The following P2RX7 variants were observed in gnomAD, a reference collection of about 807,000 sequenced individuals.
P2RX7 encodes P2X purinoceptor 7.
In P2RX7, 62 loss-of-function variants were observed where a neutral mutation model predicts 71.6. That is an observed-to-expected ratio of 0.87 (90% CI 0.71 to 1.07). P2RX7 has a LOEUF of 1.07. P2RX7 is among the 50% of genes least tolerant of loss of function. The pLI is 0.00. For missense variants in P2RX7, 686 were observed against 748.5 expected (o/e 0.92, Z 0.97); for synonymous variants, 299 against 283.3 (o/e 1.06, Z -0.56).
rs776589396 is a variant in P2RX7, at chr12:121,132,927, G to T, written c.-44G>T. 10 of 1,610,960 alleles carry T rather than the reference G, an allele frequency of 6.2e-6. No individual in the cohort carries two copies. The highest frequency in any genetic ancestry group is 2.7e-5 in the African/African-American group (2 of 74,928). On this transcript the variant is annotated 5_prime_UTR_variant, in exon 1 of 13. Transcript: ENST00000328963. ...GCTTGCTGTGGCCCTGTCAGGAAGA[G>T]TAGAGCTCTGGTCCAGCTCCGCGCA...
chr12:121,162,747 A>G (rs1056776810), intron 5 of P2RX7, among the ~76,000 whole-genome samples: 8 of 152,092 alleles, frequency 5.3e-5, no homozygotes, highest in African/African-American at 1.9e-4. Flanking sequence ...ACTGGTAAAT[A>G]GCTACTACCC....
At chr12:121,157,699 G>A (rs1878870244) in intron 3 of P2RX7, among the ~76,000 whole-genome samples, 1 of 152,176 alleles carries the variant, frequency 6.6e-6, no homozygotes, top group Admixed American at 6.5e-5. Context: ...TTAAGAGCCT[G>A]GGCTCAGAAG....
chr12:121,183,711 C>A (rs978256975), intron 12 of P2RX7, among the ~76,000 whole-genome samples: 10 of 151,932 alleles, frequency 6.6e-5, no homozygotes, highest in African/African-American at 2.4e-4. Flanking sequence ...ATAGGGTGGT[C>A]AGGACAAGAG....
In P2RX7 at chr12:121,180,355, C is replaced by T; in HGVS notation, c.1190C>T (p.Thr397Ile). ...AACTTTCAAACCATCTTTTCCTAGA[C>T]ATTAAAGTATGTGTCCTTTGTGGAT... The part of the protein sequence containing the change: ...KCESIVEPKP[T>I]LKYVSFVDES... The change falls in exon 12 of 13, where the codon ACA becomes ATA. Residue 397 changes from threonine (T) to isoleucine (I), a missense_variant and splice_region_variant. Thr to Ile is a moderately conservative substitution (Grantham distance 89). Coordinates refer to ENST00000328963, the MANE Select transcript of P2RX7 (RefSeq NM_002562.6). The T allele has an allele frequency of 6.4e-7, 1 of 1,550,748 alleles. No individual in the cohort carries two copies. The highest frequency in any genetic ancestry group is 8.8e-7 in the Non-Finnish European group (1 of 1,138,352).
rs796570280 is a variant in P2RX7, at chr12:121,175,318, A to AAACAAAAC, written c.882-68_882-67insCAAAACAA. The AAACAAAAC allele has an allele frequency of 1.2e-5, 11 of 936,758 alleles. No individual in the cohort carries two copies. In the African/African-American group the frequency reaches 1.7e-4, roughly 14 times the overall value. The allele number at this position is 936,758 out of a possible 1,614,324, so 58.0% of individuals were successfully genotyped here. On this transcript the variant is annotated intron_variant, in intron 8 of 12. Coordinates refer to ENST00000328963, the MANE Select transcript of P2RX7 (RefSeq NM_002562.6). ...AGCGTGAGACCCTGTCTCAAAAAAA[A>AAACAAAAC]AAAAAAAAAAACCCAAAACCCAGCA...
intron 8 of P2RX7, among the ~76,000 whole-genome samples, chr12:121,171,447 C>G (rs1455505555): frequency 6.6e-6 from 1 of 150,846 alleles, no homozygotes; most frequent in Non-Finnish European, 1.5e-5. Context: ...TCACTGCAAC[C>G]TCTGCCTCCC....
Position 121,188,020 on chromosome 12 carries a change from G to T in P2RX7, c.*3218G>T, listed in dbSNP as rs1029357601. On this transcript the variant is annotated 3_prime_UTR_variant, in exon 13 of 13. Coordinates refer to ENST00000328963, the MANE Select transcript of P2RX7 (RefSeq NM_002562.6). The stretch of plus-strand genomic sequence containing the variant: ...GTGACTGTTTTGATAATTAAAAAAA[G>T]GTATATAATTTATTTAAATCTTCAT... 6.6e-6 allele frequency: 1 copy of T among 152,068 alleles called. No individual in the cohort carries two copies. The highest frequency in any genetic ancestry group is 1.5e-5 in the Non-Finnish European group (1 of 68,016). The allele number at this position is 152,068 out of a possible 1,614,324, so 9.4% of individuals were successfully genotyped here.
In P2RX7 at chr12:121,160,910, C is replaced by G. The variant is rs1226585890; in HGVS notation, c.372C>G (p.Thr124=). 6.2e-7 allele frequency: 1 copy of G among 1,613,594 alleles called. No individual in the cohort carries two copies. The highest frequency in any genetic ancestry group is 8.5e-7 in the Non-Finnish European group (1 of 1,179,472). ...QEQRLCPEYP[T]RRTLCSSDRG... ...CATCCTTCTATCTGCAGTATCCCAC[C>G]CGCAGGACGCTCTGTTCCTCTGACC... Residue 124 remains threonine, a synonymous_variant, in exon 4 of 13, where the codon ACC becomes ACG. Transcript: ENST00000328963.
intron 1 of P2RX7, among the ~76,000 whole-genome samples, chr12:121,136,814 T>C (rs1433946736): frequency 2.0e-5 from 3 of 151,670 alleles, no homozygotes; most frequent in Admixed American, 1.3e-4. Context: ...GCCCAGCTAA[T>C]TTTTTGTATT....
chr12:121,160,897 T>C lies in P2RX7; in HGVS notation c.364-5T>C. 6.2e-7 allele frequency: 1 copy of C among 1,611,770 alleles called. No individual in the cohort carries two copies. On this transcript the variant is annotated splice_region_variant and splice_polypyrimidine_tract_variant and intron_variant, in intron 3 of 12. Transcript: ENST00000328963. Reference sequence around the variant, plus strand: ...CTCCCCACTCTGTCATCCTTCTATCTGCAGTATCCCACCCGCAGGACGCTC... The same window carrying C: ...CTCCCCACTCTGTCATCCTTCTATCCGCAGTATCCCACCCGCAGGACGCTC...
intron 2 of P2RX7, chr12:121,155,162 G>A: frequency 6.7e-7 from 1 of 1,500,390 alleles, no homozygotes; most frequent in Non-Finnish European, 8.9e-7. Flanking sequence ...GTCCTACAGG[G>A]TTTCTCAAAA....
chr12:121,152,356 T>C (rs933803391), intron 1 of P2RX7, among the ~76,000 whole-genome samples: 7 of 152,052 alleles, frequency 4.6e-5, no homozygotes, highest in Admixed American at 2.6e-4. Context: ...TGAGACAGGG[T>C]CTCACTCTGT....
At chr12:121,155,792 TA>T (rs112882112) in intron 2 of P2RX7, among the ~76,000 whole-genome samples, 26 of 146,258 alleles carry the variant, frequency 1.8e-4, no homozygotes, top group South Asian at 1.1e-3. Flanking sequence ...TTTTACTGCG[TA>T]AAAAAAAAAC....
At chr12:121,164,573 G>A (rs1190662832) in intron 5 of P2RX7, among the ~76,000 whole-genome samples, 1 of 152,152 alleles carries the variant, frequency 6.6e-6, no homozygotes, top group African/African-American at 2.4e-5. Flanking sequence ...TTGAGGTCAG[G>A]AGTTCGATAC....
At chr12:121,145,272 A>G (rs975125822) in intron 1 of P2RX7, among the ~76,000 whole-genome samples, 1 of 152,164 alleles carries the variant, frequency 6.6e-6, no homozygotes, top group African/African-American at 2.4e-5. Flanking sequence ...AGCTAAGGGA[A>G]GGAGGCGAGG....
intron 1 of P2RX7, among the ~76,000 whole-genome samples, chr12:121,137,107 T>C (rs1873875114): frequency 6.6e-6 from 1 of 152,176 alleles, no homozygotes; most frequent in African/African-American, 2.4e-5. Flanking sequence ...CATGGGGACA[T>C]GGAGAGAGAG....
At chr12:121,141,584 G>A (rs1004212953) in intron 1 of P2RX7, among the ~76,000 whole-genome samples, 3 of 152,152 alleles carry the variant, frequency 2.0e-5, no homozygotes, top group Non-Finnish European at 2.9e-5. Context: ...CTGTCCCCCA[G>A]CCCCCAGCAT....
At position 121,149,214 on chromosome 12, in the gene P2RX7, C is replaced by T; in HGVS notation, c.126-5571C>T. On this transcript the variant is annotated intron_variant, in intron 1 of 12. Transcript: ENST00000328963. This position sits in a 1 kb window ranked among gnomAD's most constrained non-coding sequence, Gnocchi z 4.7. ...TCATCTCCATCTGGTGGGTCCAGAG[C>T]AAGCAGCCTCAGGGTCCCATGGGCC... 2.9e-6 allele frequency: 1 copy of T among 345,028 alleles called. No homozygotes were observed. The highest frequency in any genetic ancestry group is 5.7e-6 in the Non-Finnish European group (1 of 174,514). 21.4% of individuals were successfully genotyped at this position (345,028 alleles called of 1,614,324 possible).
In P2RX7 at chr12:121,154,724, C is replaced by T; in HGVS notation, c.126-61C>T. The T allele has an allele frequency of 9.1e-7, 1 of 1,104,884 alleles. No individual in the cohort carries two copies. Among genetic ancestry groups the T allele is most frequent in the South Asian group, 1.2e-5 (1 of 81,016 alleles). 68.4% of individuals were successfully genotyped at this position (1,104,884 alleles called of 1,614,324 possible). A position where few individuals can be genotyped will look rare whatever the true frequency, so the allele number is the denominator to read the frequency against. ...ACAGAAGTGCCTGCATCCTCCAACGCCTGCATCCCAACCCGCTGTGCTATG... is the reference window on the plus strand; with the variant it reads ...ACAGAAGTGCCTGCATCCTCCAACGTCTGCATCCCAACCCGCTGTGCTATG... On this transcript the variant is annotated intron_variant, in intron 1 of 12. Coordinates refer to ENST00000328963, the MANE Select transcript of P2RX7 (RefSeq NM_002562.6). The surrounding 1 kb of genome is among the most constrained non-coding windows in gnomAD (Gnocchi z 4.2).
Sources: allele counts gnomAD v4.1 joint callset (sites outside exome capture counted in the v4.1 genomes callset), GRCh38; gene constraint gnomAD v4.1.1; non-coding constraint Gnocchi (gnomAD v3.1); transcripts MANE v1.5; gene names NCBI Gene and HGNC (gene_info 2026-07-23, HGNC 2026-07-21).